The following GABPB2 variants were observed in gnomAD, a reference collection of about 807,000 sequenced individuals.
GABPB2 encodes the protein GA-binding protein subunit beta-2.
GABPB2 carries 23 observed loss-of-function variants against 39.1 expected under a neutral mutation model. The ratio of observed to expected loss-of-function variants is 0.59; its 90% CI spans 0.42 to 0.83. The LOEUF is 0.83. Ranked by LOEUF, GABPB2 falls within the 40% of genes least tolerant of loss-of-function variation. GABPB2 has a pLI of 0.00. For missense variants in GABPB2, 467 were observed against 541.1 expected (o/e 0.86, Z 1.36); for synonymous variants, 184 against 199.3 (o/e 0.92, Z 0.65).
At chr1:151,075,666 A>G (rs1018178202) in intron 1 of GABPB2, among the ~76,000 whole-genome samples, 1 of 151,344 alleles carries the variant, frequency 6.6e-6, no homozygotes, top group Non-Finnish European at 1.5e-5. Flanking sequence ...CTGAGACTGC[A>G]CCACTGGACT....
chr1:151,112,234 A>AC (rs1264931449), intron 7 of GABPB2: 2 of 150,432 alleles, frequency 1.3e-5, no homozygotes, highest in Admixed American at 6.7e-5. Flanking sequence ...AAAAAAAAAA[A>AC]AAAAAAAAAA....
intron 7 of GABPB2, among the ~76,000 whole-genome samples, chr1:151,110,502 T>A (rs755258052): frequency 5.9e-5 from 9 of 152,090 alleles, no homozygotes; most frequent in Non-Finnish European, 1.3e-4. Flanking sequence ...TTTAAATTTA[T>A]GTATTTATTT....
intron 1 of GABPB2, among the ~76,000 whole-genome samples, chr1:151,080,363 T>A (rs1677565180): frequency 6.7e-6 from 1 of 149,606 alleles, no homozygotes; most frequent in African/African-American, 2.5e-5. Context: ...AATACAATAT[T>A]AGCTGGGCAT....
intron 1 of GABPB2, among the ~76,000 whole-genome samples, chr1:151,082,392 CTTTTTTTTT>C (rs35044606): frequency 5.0e-3 from 241 of 48,038 alleles, no homozygotes; most frequent in African/African-American, 0.018. Flanking sequence ...GTGGTAATTT[CTTTTTTTTT>C]TTTTTTTTTT....
At chr1:151,078,508 G>T (rs587683714) in intron 1 of GABPB2, among the ~76,000 whole-genome samples, 1 of 151,616 alleles carries the variant, frequency 6.6e-6, no homozygotes, top group African/African-American at 2.4e-5. Flanking sequence ...CAGGAGAATG[G>T]CATGAATCCG....
chr1:151,101,608 C>A (rs1679533536), intron 5 of GABPB2, among the ~76,000 whole-genome samples: 1 of 151,756 alleles, frequency 6.6e-6, no homozygotes, highest in East Asian at 1.9e-4. Context: ...GAAAAGAATA[C>A]AGGAATAGCC....
intron 7 of GABPB2, 108 bp from the exon 8 acceptor site, chr1:151,117,284 G>C: frequency 8.1e-7 from 1 of 1,229,510 alleles, no homozygotes; most frequent in Non-Finnish European, 1.2e-6. Flanking sequence ...ACACACCACT[G>C]TACCCAACCT....
intron 3 of GABPB2, among the ~76,000 whole-genome samples, chr1:151,092,052 C>T (rs897630289): frequency 7.9e-5 from 12 of 151,784 alleles, no homozygotes; most frequent in Admixed American, 4.6e-4. Context: ...CTGCCTCAGC[C>T]TCCCAACACT....
At chr1:151,117,632 G>A in intron 8 of GABPB2, 116 bp downstream of exon 8, 1 of 1,102,238 alleles carries the variant, frequency 9.1e-7, no homozygotes, top group Non-Finnish European at 1.3e-6. Context: ...TGCCCAGGCT[G>A]GAGTACAGTG....
rs1331027459 is a variant in GABPB2, at chr1:151,119,391, G to C, written c.*1135G>C. 1 of 151,752 alleles carries C rather than the reference G, an allele frequency of 6.6e-6. No homozygotes were observed. Among genetic ancestry groups the C allele is most frequent in the Non-Finnish European group, 1.5e-5 (1 of 67,992 alleles). The allele number at this position is 151,752 out of a possible 1,614,324, so 9.4% of individuals were successfully genotyped here. On this transcript the variant is annotated 3_prime_UTR_variant, in exon 9 of 9. Transcript: ENST00000368918. The stretch of plus-strand genomic sequence containing the variant: ...TGGGAGGCCGAGGCGGGCGGATCAC[G>C]AGGTCAGATCAAGAACATCCTGGCT...
intron 5 of GABPB2, among the ~76,000 whole-genome samples, chr1:151,100,580 CTTTTTTTTT>C (rs35251516): frequency 4.3e-5 from 2 of 46,688 alleles, no homozygotes; most frequent in African/African-American, 1.6e-4. Context: ...TGTGCCTGGC[CTTTTTTTTT>C]TTTTTTTTTT....
chr1:151,073,806 G>A (rs1056981016), intron 1 of GABPB2, among the ~76,000 whole-genome samples: 1 of 151,670 alleles, frequency 6.6e-6, no homozygotes, highest in African/African-American at 2.4e-5. Flanking sequence ...TGTAGTCCCA[G>A]CTACTTGGGA....
At chr1:151,115,544 G>A (rs1680798193) in intron 7 of GABPB2, among the ~76,000 whole-genome samples, 1 of 151,154 alleles carries the variant, frequency 6.6e-6, no homozygotes, top group Non-Finnish European at 1.5e-5. Context: ...GGGATTACAG[G>A]CAGGTGCCAC....
intron 1 of GABPB2, among the ~76,000 whole-genome samples, chr1:151,072,395 A>C (rs750640733): frequency 1.7e-4 from 26 of 151,956 alleles, no homozygotes; most frequent in Non-Finnish European, 2.6e-4. Context: ...AGAGAAAAAA[A>C]AATTATTTTT....
rs770616661 is a variant in GABPB2 at position 151,089,596 on chromosome 1, T to C, written c.109-810T>C. On this transcript the variant is annotated intron_variant, in intron 2 of 8. Coordinates refer to ENST00000368918, the MANE Select transcript of GABPB2 (RefSeq NM_144618.3). ...CAGTCAGTCAAATTTGTACCTCAAA[T>C]TCCACATGTAACTTTCTAGTCTCTA... Among the ~76,000 whole-genome samples, 172 of 152,328 alleles carry C rather than the reference T, an allele frequency of 1.1e-3. 2 individuals are homozygous for C. The highest frequency in any genetic ancestry group is 3.4e-3 in the Middle Eastern group (1 of 294).
At chr1:151,099,537 GA>G (rs764278582) in intron 5 of GABPB2, among the ~76,000 whole-genome samples, 10 of 152,098 alleles carry the variant, frequency 6.6e-5, no homozygotes, top group Non-Finnish European at 1.3e-4. Flanking sequence ...TTTTTACAAT[GA>G]AATAACTTGT....
chr1:151,102,371 T>C (rs959080417), intron 5 of GABPB2, among the ~76,000 whole-genome samples: 4 of 152,176 alleles, frequency 2.6e-5, no homozygotes, highest in African/African-American at 9.6e-5. Flanking sequence ...AACTAAAGTA[T>C]TTTTAACATT....
intron 7 of GABPB2, among the ~76,000 whole-genome samples, chr1:151,107,808 C>T (rs587634207): frequency 8.6e-5 from 13 of 152,026 alleles, no homozygotes; most frequent in South Asian, 6.2e-4. Flanking sequence ...TGGTGGCGCA[C>T]GCCTATAGTC....
At chr1:151,086,302 C>T (rs1678188138) in intron 1 of GABPB2, among the ~76,000 whole-genome samples, 1 of 151,456 alleles carries the variant, frequency 6.6e-6, no homozygotes, top group South Asian at 2.1e-4. Flanking sequence ...AAATTATAAA[C>T]ACATATATTC....
Sources: allele counts gnomAD v4.1 joint callset (sites outside exome capture counted in the v4.1 genomes callset), GRCh38; gene constraint gnomAD v4.1.1; transcripts MANE v1.5; gene names NCBI Gene and HGNC (gene_info 2026-07-23, HGNC 2026-07-21).